The following NOTCH2NLC variants were observed in gnomAD, a reference collection of about 807,000 sequenced individuals.
The protein encoded by NOTCH2NLC is notch homolog 2 N-terminal-like protein C.
Under a neutral mutation model 17.7 loss-of-function variants are expected in NOTCH2NLC, and 4 were observed. That is an observed-to-expected ratio of 0.23 (90% CI 0.11 to 0.52). The LOEUF (loss-of-function observed/expected upper bound fraction) is 0.52. NOTCH2NLC is among the 20% of genes least tolerant of loss of function. The probability of loss-of-function intolerance (pLI) is 0.96; values close to 1 mark genes in which losing one functional copy is unlikely to be tolerated. For synonymous variants in NOTCH2NLC, 18 were observed against 86.0 expected (o/e 0.21, Z 4.38); for missense variants, 57 against 207.2 (o/e 0.28, Z 4.45).
intron 1 of NOTCH2NLC, among the ~76,000 whole-genome samples, chr1:149,396,533 G>A: frequency 6.7e-6 from 1 of 150,230 alleles, no homozygotes; most frequent in Non-Finnish European, 1.5e-5. Flanking sequence ...GACCCAAAGA[G>A]ATGCTTGTCT....
intron 1 of NOTCH2NLC, among the ~76,000 whole-genome samples, chr1:149,399,855 G>C (rs2084232938): frequency 6.8e-6 from 1 of 148,010 alleles, no homozygotes; most frequent in South Asian, 2.1e-4. Context: ...TTTAAGGTAG[G>C]TTTACGTAGC....
Position 149,390,822 on chromosome 1 carries a change from G to GCGGCGGCGGCGGCGGCGGCGT in NOTCH2NLC, c.44_45insCGGCGGCGGCGTCGGCGGCGG (p.Gly18_Asp19insValGlyGlyGlyGlyGlyGly). ...TGCCCAGGCGGCGGCGGCGGCGGCG[G>GCGGCGGCGGCGGCGGCGGCGT]CGGCGGCGGAGGAGGCGGCGACCGA... On this transcript the variant is annotated inframe_insertion, in exon 1 of 5. Transcript: ENST00000650865. The GCGGCGGCGGCGGCGGCGGCGT allele has an allele frequency of 7.5e-7, 1 of 1,325,502 alleles. No homozygotes were observed. The highest frequency in any genetic ancestry group is 3.5e-5 in the Admixed American group (1 of 28,600). The allele number at this position is 1,325,502 out of a possible 1,614,324, so 82.1% of individuals were successfully genotyped here.
intron 2 of NOTCH2NLC, among the ~76,000 whole-genome samples, chr1:149,433,257 C>A: frequency 8.0e-6 from 1 of 125,016 alleles, no homozygotes; most frequent in Non-Finnish European, 1.7e-5. Context: ...GGGAGGGGAA[C>A]ATCACACACT....
At chr1:149,393,026 C>T (rs1294032999) in intron 1 of NOTCH2NLC, among the ~76,000 whole-genome samples, 2 of 143,910 alleles carry the variant, frequency 1.4e-5, no homozygotes, top group Admixed American at 7.0e-5. Context: ...GCCGAGATCC[C>T]GCCACTGCAC....
chr1:149,424,091 A>G (rs1316179485), intron 1 of NOTCH2NLC, among the ~76,000 whole-genome samples: 1 of 151,294 alleles, frequency 6.6e-6, no homozygotes, highest in Non-Finnish European at 1.5e-5. Context: ...AGATTCCATC[A>G]AGTCTGGATA....
chr1:149,446,733 C>G (rs2084556701), intron 2 of NOTCH2NLC, among the ~76,000 whole-genome samples: 1 of 83,852 alleles, frequency 1.2e-5, no homozygotes, highest in African/African-American at 5.3e-5. Context: ...CTCCCCAAAC[C>G]TTTCTCTGTA....
rs1396357495 is a variant in NOTCH2NLC at position 149,469,039 on chromosome 1, A to C, written c.*4886A>C. Among the ~76,000 whole-genome samples the C allele has an allele frequency of 9.0e-6, 1 of 110,706 alleles. No individual in the cohort carries two copies. The highest frequency in any genetic ancestry group is 1.8e-5 in the Non-Finnish European group (1 of 56,718). The allele number at this position is 110,706 out of a possible 152,430, so 72.6% of individuals were successfully genotyped here. A position where few individuals can be genotyped will look rare whatever the true frequency, so the allele number is the denominator to read the frequency against. ...GAGTGCAATGGTGCTATCTCGGCTCACTGCAACCTCCACCTCCCGGGTTCA... is the reference window on the plus strand; with the variant it reads ...GAGTGCAATGGTGCTATCTCGGCTCCCTGCAACCTCCACCTCCCGGGTTCA... On this transcript the variant is annotated 3_prime_UTR_variant, in exon 5 of 5. Transcript: ENST00000650865.
chr1:149,428,476 T>C (rs1356405001), intron 1 of NOTCH2NLC, among the ~76,000 whole-genome samples: 1 of 150,864 alleles, frequency 6.6e-6, no homozygotes, highest in Non-Finnish European at 1.5e-5. Context: ...ATATTGACTT[T>C]GGGTTGTTTG....
chr1:149,445,062 C>A, intron 2 of NOTCH2NLC, among the ~76,000 whole-genome samples: 1 of 139,192 alleles, frequency 7.2e-6, no homozygotes, highest in South Asian at 2.3e-4. Context: ...ACTAGAAGTC[C>A]TCATGCATGT....
chr1:149,428,802 C>T (rs2084426966), intron 1 of NOTCH2NLC, among the ~76,000 whole-genome samples: 1 of 150,026 alleles, frequency 6.7e-6, no homozygotes, highest in African/African-American at 2.4e-5. Flanking sequence ...CTCCACTGCA[C>T]CAGGATTCCT....
At chr1:149,428,221 TAGTC>T (rs2084423494) in intron 1 of NOTCH2NLC, among the ~76,000 whole-genome samples, 1 of 146,606 alleles carries the variant, frequency 6.8e-6, no homozygotes. Flanking sequence ...CCTGCGGACT[TAGTC>T]AGAAATTGTG....
At chr1:149,444,884 C>CT (rs1237184683) in intron 2 of NOTCH2NLC, among the ~76,000 whole-genome samples, 13 of 147,636 alleles carry the variant, frequency 8.8e-5, no homozygotes, top group African/African-American at 2.5e-4. Context: ...TACACAAATA[C>CT]TTTTTTTTAA....
chr1:149,416,574 C>T, intron 1 of NOTCH2NLC, among the ~76,000 whole-genome samples: 1 of 92,070 alleles, frequency 1.1e-5, no homozygotes. Context: ...AAAATCTTGT[C>T]AAGATAGGGT....
At chr1:149,426,576 C>CTTTTTTTTTT (rs1224339764) in intron 1 of NOTCH2NLC, among the ~76,000 whole-genome samples, 2 of 104,456 alleles carry the variant, frequency 1.9e-5, no homozygotes, top group Non-Finnish European at 3.8e-5. Context: ...TTCTTTTTGC[C>CTTTTTTTTTT]TTTTTTTTTT....
intron 2 of NOTCH2NLC, among the ~76,000 whole-genome samples, chr1:149,438,956 T>C (rs2084499363): frequency 1.3e-5 from 2 of 148,526 alleles, no homozygotes; most frequent in Non-Finnish European, 3.0e-5. Context: ...GCTCAAGTGA[T>C]CCTCCCACTT....
At position 149,413,757 on chromosome 1, in the gene NOTCH2NLC, G is replaced by A. The variant is rs1337028828; in HGVS notation, c.136-17185G>A. Among the ~76,000 whole-genome samples the A allele has an allele frequency of 8.2e-4, 124 of 151,262 alleles. 3 individuals are homozygous for A. The highest frequency in any genetic ancestry group is 2.8e-3 in the African/African-American group (115 of 41,270). On this transcript the variant is annotated intron_variant, in intron 1 of 4. Coordinates refer to ENST00000650865, the MANE Select transcript of NOTCH2NLC (RefSeq NM_001364013.2). The stretch of plus-strand genomic sequence containing the variant: ...TTGCTAGATCATATATCTTCATTAG[G>A]TGGGTGATTTTGGTTTCTGTTACTT...
At position 149,390,829 on chromosome 1, in the gene NOTCH2NLC, C is replaced by CGGCGGA. The variant is rs1165196975; in HGVS notation, c.44_45insCGGAGG (p.Gly17_Gly18dup). 2.3e-3 allele frequency: 2,955 copies of CGGCGGA among 1,286,152 alleles called. 150 individuals carry two copies. The African/African-American group carries it at 0.038, about 16-fold the overall frequency. The allele number at this position is 1,286,152 out of a possible 1,614,324, so 79.7% of individuals were successfully genotyped here. ...GCGGCGGCGGCGGCGGCGGCGGCGG[C>CGGCGGA]GGAGGAGGCGGCGACCGAGAAGATG... On this transcript the variant is annotated inframe_insertion, in exon 1 of 5. Transcript: ENST00000650865.
intron 2 of NOTCH2NLC, among the ~76,000 whole-genome samples, chr1:149,445,171 A>G (rs1326087120): frequency 6.9e-6 from 1 of 145,218 alleles, no homozygotes; most frequent in Non-Finnish European, 1.5e-5. Flanking sequence ...CTCAGCCAGG[A>G]GGTACTGAAA....
intron 1 of NOTCH2NLC, among the ~76,000 whole-genome samples, chr1:149,428,905 A>G (rs2084427626): frequency 6.7e-6 from 1 of 149,770 alleles, no homozygotes; most frequent in Admixed American, 6.7e-5. Flanking sequence ...ATTTAAAGAA[A>G]AAAAGTAAAT....
Sources: allele counts gnomAD v4.1 joint callset (sites outside exome capture counted in the v4.1 genomes callset), GRCh38; gene constraint gnomAD v4.1.1; transcripts MANE v1.5; gene names NCBI Gene and HGNC (gene_info 2026-07-23, HGNC 2026-07-21).